Variants in PDZRN4 observed in about 807,000 individuals in gnomAD.
The protein encoded by PDZRN4 is PDZ domain containing ring finger 4, also known as PDZ domain-containing RING finger protein 4.
PDZRN4 carries 70 observed loss-of-function variants against 99.0 expected under a neutral mutation model. The observed-to-expected ratio is 0.71, with a 90% CI of 0.58 to 0.86. PDZRN4 has a LOEUF of 0.86. PDZRN4 is among the 40% of genes least tolerant of loss of function. The pLI, the probability that PDZRN4 is intolerant of heterozygous loss-of-function variation, is 0.00. For missense variants in PDZRN4, 1,474 were observed against 1,331.2 expected (o/e 1.11, Z -1.67); for synonymous variants, 551 against 501.6 (o/e 1.10, Z -1.32).
intron 3 of PDZRN4, among the ~76,000 whole-genome samples, chr12:41,495,445 A>G (rs1565598063): frequency 6.6e-6 from 1 of 152,026 alleles, no homozygotes; most frequent in African/African-American, 2.4e-5. Context: ...GCCAATCTGA[A>G]TCCATGGGGC....
chr12:41,504,536 T>C (rs542082970), intron 3 of PDZRN4, among the ~76,000 whole-genome samples: 1 of 152,314 alleles, frequency 6.6e-6, no homozygotes, highest in East Asian at 1.9e-4. Context: ...TATGGGATGA[T>C]ATTATTCAAT....
At chr12:41,291,013 G>C (rs905218568) in intron 3 of PDZRN4, among the ~76,000 whole-genome samples, 1 of 151,846 alleles carries the variant, frequency 6.6e-6, no homozygotes, top group Non-Finnish European at 1.5e-5. Flanking sequence ...TATTTTGTTT[G>C]CTTCCAAAGT....
At chr12:41,252,725 G>A (rs1951179155) in intron 3 of PDZRN4, among the ~76,000 whole-genome samples, 1 of 152,062 alleles carries the variant, frequency 6.6e-6, no homozygotes, top group Non-Finnish European at 1.5e-5. Context: ...GGGTGACACA[G>A]CAAGACTCTG....
At chr12:41,259,419 C>A (rs908704765) in intron 3 of PDZRN4, among the ~76,000 whole-genome samples, 14 of 152,098 alleles carry the variant, frequency 9.2e-5, no homozygotes, top group Admixed American at 2.6e-4. Context: ...CATGTTATAG[C>A]CTTTTAAAAA....
intron 3 of PDZRN4, among the ~76,000 whole-genome samples, chr12:41,444,348 A>G (rs778460810): frequency 6.6e-6 from 1 of 152,072 alleles, no homozygotes; most frequent in Non-Finnish European, 1.5e-5. Context: ...CCCAAGCCTG[A>G]CTTGGGACAC....
At chr12:41,425,641 T>A (rs182656885) in intron 3 of PDZRN4, among the ~76,000 whole-genome samples, 2 of 152,162 alleles carry the variant, frequency 1.3e-5, no homozygotes, top group Non-Finnish European at 2.9e-5. Flanking sequence ...AAAAAAAATA[T>A]GTCCACATTC....
At chr12:41,356,595 T>C (rs185068941) in intron 3 of PDZRN4, among the ~76,000 whole-genome samples, 1 of 152,066 alleles carries the variant, frequency 6.6e-6, no homozygotes, top group Admixed American at 6.6e-5. Context: ...TTGTATCTCC[T>C]GGAATTAAAG....
At chr12:41,492,321 T>C (rs564293323) in intron 3 of PDZRN4, among the ~76,000 whole-genome samples, 18 of 152,286 alleles carry the variant, frequency 1.2e-4, no homozygotes, top group African/African-American at 4.3e-4. Flanking sequence ...TTAGATAATA[T>C]GAAAAGCACA....
intron 3 of PDZRN4, among the ~76,000 whole-genome samples, chr12:41,500,076 C>T (rs1938083409): frequency 6.6e-6 from 1 of 151,980 alleles, no homozygotes; most frequent in Non-Finnish European, 1.5e-5. Context: ...CAGCAATACA[C>T]AGTCAAGCAA....
chr12:41,492,143 A>G (rs1342815802), intron 3 of PDZRN4, among the ~76,000 whole-genome samples: 2 of 151,850 alleles, frequency 1.3e-5, no homozygotes, highest in Non-Finnish European at 2.9e-5. Flanking sequence ...AAAAAATAAA[A>G]CAGCAATGGC....
intron 3 of PDZRN4, among the ~76,000 whole-genome samples, chr12:41,361,659 A>G (rs945064041): frequency 6.6e-6 from 1 of 152,084 alleles, no homozygotes; most frequent in East Asian, 1.9e-4. Context: ...CAAGGAATAC[A>G]CAACTGAAGT....
chr12:41,250,669 T>C (rs2120807453), intron 3 of PDZRN4, among the ~76,000 whole-genome samples: 1 of 152,280 alleles, frequency 6.6e-6, no homozygotes, highest in South Asian at 2.1e-4. Flanking sequence ...AAATTAGAAC[T>C]GGAAGGTAGA....
rs145100022 is a variant in PDZRN4 at position 41,530,197 on chromosome 12, G to A, written c.1203+20284G>A. On this transcript the variant is annotated intron_variant, in intron 5 of 9. Coordinates refer to ENST00000402685, the MANE Select transcript of PDZRN4 (RefSeq NM_001164595.2). ...TGAATGCCGTCTACCCAACGCTCAC[G>A]TTTAGAAAAGGAGCATGATCATGAC... is the stretch of plus-strand genomic sequence containing the variant. 2.3e-3 allele frequency among the ~76,000 whole-genome samples: 353 copies of A among 152,262 alleles called. 4 individuals are homozygous for A. Among genetic ancestry groups the A allele is most frequent in the South Asian group, 7.3e-3 (35 of 4,818 alleles).
At chr12:41,417,883 C>CAT (rs1013419248) in intron 3 of PDZRN4, among the ~76,000 whole-genome samples, 4 of 151,972 alleles carry the variant, frequency 2.6e-5, no homozygotes. Context: ...ACCACACTTT[C>CAT]ATATATATAT....
intron 5 of PDZRN4, among the ~76,000 whole-genome samples, chr12:41,533,206 G>C (rs995101807): frequency 6.8e-6 from 1 of 147,542 alleles, no homozygotes; most frequent in Non-Finnish European, 1.5e-5. Context: ...ATGGAGTCTC[G>C]CTCTGTCCCC....
chr12:41,567,787 A>T lies in PDZRN4; in HGVS notation c.1472A>T (p.Asp491Val), dbSNP rs1268764587. Residue 491 changes from aspartate (D) to valine (V), a missense_variant, in exon 9 of 10, where the codon GAT becomes GTT. Transcript: ENST00000402685. ...TACTAATGTATTCTTTTGCAGCTGG[A>T]TGAAGGCTGGCTGGAAGATGAAAGG... Reference protein sequence around the residue: ...LLVARPEIQLDEGWLEDERNE... With the variant: ...LLVARPEIQLVEGWLEDERNE... The T allele has an allele frequency of 1.2e-5, 20 of 1,606,196 alleles. No individual in the cohort carries two copies. Among genetic ancestry groups the T allele is most frequent in the Non-Finnish European group, 1.6e-5 (19 of 1,173,690 alleles).
chr12:41,213,016 C>G (rs553450566), intron 3 of PDZRN4, among the ~76,000 whole-genome samples: 1 of 151,954 alleles, frequency 6.6e-6, no homozygotes, highest in South Asian at 2.1e-4. Context: ...GACTACACAT[C>G]TGGGTTGCCC....
chr12:41,249,793 T>C (rs1951156180), intron 3 of PDZRN4, among the ~76,000 whole-genome samples: 1 of 152,210 alleles, frequency 6.6e-6, no homozygotes. Flanking sequence ...AAATTTCAAC[T>C]GTAGAAGCTA....
At chr12:41,463,342 A>G (rs1952890363) in intron 3 of PDZRN4, among the ~76,000 whole-genome samples, 2 of 151,940 alleles carry the variant, frequency 1.3e-5, no homozygotes, top group African/African-American at 4.8e-5. Flanking sequence ...CCTCAACTAT[A>G]CTTTCTTTAA....
Sources: gnomAD v4.1 joint callset for allele counts (sites outside exome capture counted in the v4.1 genomes callset) on GRCh38, gnomAD v4.1.1 for gene constraint, MANE v1.5 for transcripts, NCBI Gene and HGNC (gene_info 2026-07-23, HGNC 2026-07-21) for gene names.